LRP1B: variants seen among roughly 807,000 people sequenced by gnomAD.
LRP1B encodes LDL receptor related protein 1B, also known as low-density lipoprotein receptor-related protein 1B.
A neutral mutation model predicts 556.6 loss-of-function variants in LRP1B; 217 were observed. The ratio of observed to expected loss-of-function variants is 0.39; its 90% CI spans 0.35 to 0.44. LRP1B has a LOEUF of 0.44. LRP1B is among the 20% of genes least tolerant of loss of function. The probability of loss-of-function intolerance (pLI) is 1.00; values close to 1 mark genes in which losing one functional copy is unlikely to be tolerated. For missense variants in LRP1B, 5,053 were observed against 5,620.8 expected (o/e 0.90, Z 3.23); for synonymous variants, 2,047 against 1,865.8 (o/e 1.10, Z -2.50).
At chr2:140,551,579 C>G (rs1680550366) in intron 43 of LRP1B, among the ~76,000 whole-genome samples, 1 of 152,096 alleles carries the variant, frequency 6.6e-6, no homozygotes, top group African/African-American at 2.4e-5. Flanking sequence ...AAGCAGCGGT[C>G]AGCTATTAAC....
chr2:141,249,970 C>T (rs1045103809), intron 4 of LRP1B, among the ~76,000 whole-genome samples: 1 of 151,848 alleles, frequency 6.6e-6, no homozygotes, highest in Non-Finnish European at 1.5e-5. Flanking sequence ...GGAATGATGA[C>T]TGAAGATAAT....
At chr2:141,172,590 G>C (rs1279968925) in intron 7 of LRP1B, among the ~76,000 whole-genome samples, 1 of 152,066 alleles carries the variant, frequency 6.6e-6, no homozygotes. Context: ...CAAGTTTTAT[G>C]AGCTGTTGAT....
intron 3 of LRP1B, among the ~76,000 whole-genome samples, chr2:141,387,724 C>A (rs1347135736): frequency 6.6e-6 from 1 of 152,046 alleles, no homozygotes; most frequent in Non-Finnish European, 1.5e-5. Flanking sequence ...CTGGTGAATT[C>A]TACCAAATAT....
intron 1 of LRP1B, among the ~76,000 whole-genome samples, chr2:141,924,847 T>C (rs1026033214): frequency 6.6e-6 from 1 of 152,210 alleles, no homozygotes; most frequent in Non-Finnish European, 1.5e-5. Context: ...TGTAGTCCTA[T>C]GGCAGTGGGT....
At chr2:141,361,597 C>CT (rs548421183) in intron 3 of LRP1B, among the ~76,000 whole-genome samples, 157 of 152,238 alleles carry the variant, frequency 1.0e-3, no homozygotes, top group Non-Finnish European at 2.0e-3. Flanking sequence ...GGAAATCATA[C>CT]TTTTTTCTTT....
rs761544976 is a variant in LRP1B at position 140,444,635 on chromosome 2, G to A, written c.10102C>T (p.Leu3368Phe). The change falls in exon 64 of 91, where the codon CTC becomes TTC. Residue 3368 changes from leucine (L) to phenylalanine (F), a missense_variant. Physicochemically the swap from Leu to Phe is conservative, Grantham distance 22. Around this residue, in one of 5 missense-constraint regions of LRP1B, gnomAD observed 262 missense variants for 395.1 expected, o/e 0.66. Transcript: ENST00000389484. ...QPGRFQCGTG[L>F]CALPAFICDG... ...CAGATGAAAGCTGGTAGAGCACAGAGTCCAGTCCCACACTGAAATCGGCCT... is the reference window on the plus strand; with the variant it reads ...CAGATGAAAGCTGGTAGAGCACAGAATCCAGTCCCACACTGAAATCGGCCT... 7.4e-6 allele frequency: 12 copies of A among 1,613,858 alleles called. No homozygotes were observed. Among genetic ancestry groups the A allele is most frequent in the Admixed American group, 1.7e-5 (1 of 59,986 alleles).
chr2:140,800,264 G>A (rs1690462698), intron 32 of LRP1B, among the ~76,000 whole-genome samples: 1 of 152,076 alleles, frequency 6.6e-6, no homozygotes, highest in South Asian at 2.1e-4. Context: ...AGGAGGAGCG[G>A]GGAGGGAAAG....
intron 85 of LRP1B, among the ~76,000 whole-genome samples, chr2:140,272,961 G>C (rs1682526786): frequency 1.3e-5 from 2 of 151,914 alleles, no homozygotes; most frequent in Admixed American, 1.3e-4. Context: ...CTCATTGTGA[G>C]AATCTGGTGT....
At chr2:140,559,017 A>G (rs919933829) in intron 43 of LRP1B, among the ~76,000 whole-genome samples, 2 of 152,156 alleles carry the variant, frequency 1.3e-5, no homozygotes, top group African/African-American at 2.4e-5. Flanking sequence ...ATAGGCTACA[A>G]TATCAAAAAC....
chr2:141,663,410 T>TA (rs61206349), intron 2 of LRP1B, among the ~76,000 whole-genome samples: 66,076 of 148,018 alleles, frequency 0.45, 14,828 homozygotes, highest in Non-Finnish European at 0.49. Context: ...GCTGGTTTTG[T>TA]AAAAAAAAAA....
chr2:140,653,196 A>G (rs1684750791), intron 41 of LRP1B, among the ~76,000 whole-genome samples: 1 of 152,128 alleles, frequency 6.6e-6, no homozygotes, highest in African/African-American at 2.4e-5. Context: ...TTCAAAATCA[A>G]TAGAATGATG....
intron 25 of LRP1B, among the ~76,000 whole-genome samples, chr2:140,869,028 A>C (rs78592658): frequency 6.6e-6 from 1 of 152,104 alleles, no homozygotes; most frequent in South Asian, 2.1e-4. Flanking sequence ...ACTTCCATCC[A>C]TGTCTTACCC....
At chr2:141,056,831 C>T (rs1243609787) in intron 9 of LRP1B, among the ~76,000 whole-genome samples, 1 of 151,726 alleles carries the variant, frequency 6.6e-6, no homozygotes, top group East Asian at 1.9e-4. Flanking sequence ...TTTAAATATA[C>T]CCTTGATATT....
At chr2:141,345,678 T>TA (rs1491098139) in intron 3 of LRP1B, among the ~76,000 whole-genome samples, 2 of 113,148 alleles carry the variant, frequency 1.8e-5, no homozygotes, top group African/African-American at 6.7e-5. Context: ...TTTTTTTTTT[T>TA]ACTTTTTATA....
chr2:141,378,371 A>G (rs746219257), intron 3 of LRP1B, among the ~76,000 whole-genome samples: 3 of 152,190 alleles, frequency 2.0e-5, no homozygotes, highest in African/African-American at 4.8e-5. Flanking sequence ...AAACTAGAAA[A>G]TATCAATAAA....
At chr2:141,467,450 T>C (rs145813334) in intron 3 of LRP1B, among the ~76,000 whole-genome samples, 106 of 152,202 alleles carry the variant, frequency 7.0e-4, no homozygotes, top group Non-Finnish European at 1.2e-3. Context: ...ATAGTACAAA[T>C]TGCTAAGCAT....
At chr2:140,806,286 T>G (rs748181966) in intron 32 of LRP1B, among the ~76,000 whole-genome samples, 1 of 152,006 alleles carries the variant, frequency 6.6e-6, no homozygotes. Context: ...TACAAATATA[T>G]AAATAAAAAT....
At chr2:141,257,318 T>A (rs1185535281) in intron 3 of LRP1B, among the ~76,000 whole-genome samples, 1 of 152,194 alleles carries the variant, frequency 6.6e-6, no homozygotes, top group African/African-American at 2.4e-5. Context: ...ATCTAATTCA[T>A]GTAGTCTCTA....
chr2:141,678,398 G>A (rs539814394), intron 2 of LRP1B, among the ~76,000 whole-genome samples: 43 of 152,164 alleles, frequency 2.8e-4, no homozygotes, highest in Middle Eastern at 3.4e-3. Flanking sequence ...CTGACATAGA[G>A]TTGAAACAAA....
Sources: gnomAD v4.1 joint callset for allele counts (sites outside exome capture counted in the v4.1 genomes callset) on GRCh38, gnomAD v4.1.1 for gene constraint, gnomAD v4.1.1 regional missense constraint, MANE v1.5 for transcripts, NCBI Gene and HGNC (gene_info 2026-07-23, HGNC 2026-07-21) for gene names.